IMPG1: variants seen among roughly 807,000 people sequenced by gnomAD.
The protein encoded by IMPG1 is interphotoreceptor matrix proteoglycan 1, also known as interphotoreceptor matrix proteoglycan of 150 kDa.
Under a neutral mutation model 92.0 loss-of-function variants are expected in IMPG1, and 85 were observed. The observed-to-expected ratio is 0.92, with a 90% CI of 0.78 to 1.11. The LOEUF (loss-of-function observed/expected upper bound fraction) is 1.11, where lower values mean the gene tolerates loss of function less well. IMPG1 is among the 50% of genes least tolerant of loss of function. The pLI is 0.00. For synonymous variants in IMPG1, 367 were observed against 334.1 expected, an observed-to-expected ratio of 1.10 and a Z score of -1.08; for missense variants, 1,022 against 956.0, an observed-to-expected ratio of 1.07 and a Z score of -0.91.
At chr6:76,058,344 C>A (rs1784153734) in intron 1 of IMPG1, among the ~76,000 whole-genome samples, 1 of 152,154 alleles carries the variant, frequency 6.6e-6, no homozygotes, top group South Asian at 2.1e-4. Context: ...TCTATTTTCT[C>A]AGTAAGTAGA....
chr6:75,988,054 C>T lies in IMPG1; in HGVS notation c.1291+14864G>A, dbSNP rs529595581. Among the ~76,000 whole-genome samples the T allele has an allele frequency of 1.2e-4, 18 of 152,294 alleles. No individual in the cohort carries two copies. The South Asian group carries it at 2.7e-3, about 23-fold the overall frequency. Reference sequence around the variant, plus strand: ...CATTTGGATTGGTTGCAAGTCTTTGCTATTGTGAATAGTGCCACGATAAAC... The same window carrying T: ...CATTTGGATTGGTTGCAAGTCTTTGTTATTGTGAATAGTGCCACGATAAAC... On this transcript the variant is annotated intron_variant, in intron 12 of 16. Transcript: ENST00000369950.
intron 4 of IMPG1, among the ~76,000 whole-genome samples, chr6:76,030,381 G>T (rs1473169828): frequency 2.0e-5 from 3 of 152,110 alleles, no homozygotes; most frequent in African/African-American, 2.4e-5. Flanking sequence ...AGAGATGCTT[G>T]CTCCCCTCTT....
intron 1 of IMPG1, among the ~76,000 whole-genome samples, chr6:76,057,743 A>G (rs1405145158): frequency 6.6e-6 from 1 of 152,128 alleles, no homozygotes; most frequent in Admixed American, 6.6e-5. Context: ...TGCTAATGTT[A>G]TGTTAATGAC....
intron 5 of IMPG1, among the ~76,000 whole-genome samples, chr6:76,024,423 T>C (rs969355541): frequency 6.6e-5 from 10 of 152,112 alleles, no homozygotes; most frequent in African/African-American, 2.2e-4. Flanking sequence ...AAGACTGCAA[T>C]AGAAATATAC....
intron 12 of IMPG1, among the ~76,000 whole-genome samples, chr6:75,991,318 G>A (rs1402977990): frequency 6.6e-6 from 1 of 152,008 alleles, no homozygotes; most frequent in East Asian, 1.9e-4. Flanking sequence ...TTGAACCCGG[G>A]AGGCGGAGGT....
In IMPG1 at chr6:76,044,002, A is replaced by G. The variant is rs571194380; in HGVS notation, c.68-1876T>C. 1.2e-4 allele frequency among the ~76,000 whole-genome samples: 19 copies of G among 152,382 alleles called. No individual in the cohort carries two copies. The East Asian group carries it at 3.7e-3, about 29-fold the overall frequency. ...CAAGACCAGTTGCAAGGCATATGCC[A>G]GTGCTATCGGCTTGATCTGAATAAT... On this transcript the variant is annotated intron_variant, in intron 1 of 16. Coordinates refer to ENST00000369950, the MANE Select transcript of IMPG1 (RefSeq NM_001563.4).
At chr6:75,944,686 C>G (rs146466337) in intron 14 of IMPG1, among the ~76,000 whole-genome samples, 1 of 152,164 alleles carries the variant, frequency 6.6e-6, no homozygotes, top group Admixed American at 6.5e-5. Context: ...ATAAGTTCAC[C>G]GAAGTGCTTA....
chr6:76,010,860 G>A (rs944551359), intron 8 of IMPG1, among the ~76,000 whole-genome samples: 4 of 152,168 alleles, frequency 2.6e-5, no homozygotes, highest in East Asian at 1.9e-4. Context: ...CTCTACTGAG[G>A]TATTTTCCTA....
rs1341134243 is a variant in IMPG1 at position 76,053,471 on chromosome 6, T to C, written c.68-11345A>G. Among the ~76,000 whole-genome samples, 3 of 152,080 alleles carry C rather than the reference T, an allele frequency of 2.0e-5. No individual in the cohort carries two copies. The East Asian group carries it at 5.8e-4, about 29-fold the overall frequency. On this transcript the variant is annotated intron_variant, in intron 1 of 16. Transcript: ENST00000369950. ...AGCTTATAAAACAAATTCCAAAAAA[T>C]TCAGGAGGAAGCTAACTTCAGAAGC...
chr6:75,984,013 C>T (rs554906126), intron 12 of IMPG1, among the ~76,000 whole-genome samples: 10 of 152,104 alleles, frequency 6.6e-5, no homozygotes, highest in Non-Finnish European at 1.0e-4. Flanking sequence ...AAAACCACAA[C>T]GAGATATTAC....
intron 7 of IMPG1, among the ~76,000 whole-genome samples, chr6:76,017,676 T>C (rs1326916578): frequency 6.6e-6 from 1 of 152,212 alleles, no homozygotes; most frequent in Non-Finnish European, 1.5e-5. Flanking sequence ...CATCTAGGCA[T>C]AGAGCAGCTG....
At chr6:75,924,664 A>G (rs1271609417) in intron 15 of IMPG1, among the ~76,000 whole-genome samples, 36 of 2,682 alleles carry the variant, frequency 0.013, 4 homozygotes, top group African/African-American at 0.032. Context: ...TATAATATAT[A>G]ATAAATTATA....
In IMPG1 at chr6:75,921,447, T is replaced by C. The variant is rs1271380995; in HGVS notation, c.*642A>G. ...AGAAAAGTAAGATTTTTCCATGGTATGTGTATCTGAACCTCAGTTTCTTTT... is the reference window on the plus strand; with the variant it reads ...AGAAAAGTAAGATTTTTCCATGGTACGTGTATCTGAACCTCAGTTTCTTTT... On this transcript the variant is annotated 3_prime_UTR_variant, in exon 17 of 17. Transcript: ENST00000369950. 4 of 152,528 alleles carry C rather than the reference T, an allele frequency of 2.6e-5. No homozygotes were observed. Among genetic ancestry groups the C allele is most frequent in the African/African-American group, 9.6e-5 (4 of 41,462 alleles). The allele number at this position is 152,528 out of a possible 1,614,324, so 9.4% of individuals were successfully genotyped here.
chr6:76,036,595 T>C (rs992541590), intron 2 of IMPG1, among the ~76,000 whole-genome samples: 37 of 152,182 alleles, frequency 2.4e-4, no homozygotes, highest in Non-Finnish European at 5.9e-5. Context: ...CATATTTTTG[T>C]TACAAAAAAG....
rs1454254738 is a variant in IMPG1, at chr6:75,978,881, A to G, written c.1291+24037T>C. Among the ~76,000 whole-genome samples, 5 of 152,214 alleles carry G rather than the reference A, an allele frequency of 3.3e-5. No homozygotes were observed. The East Asian group carries it at 9.6e-4, about 29-fold the overall frequency. ...AGGTATTATTATCCCCGGTCTGCAG[A>G]TAGACAAACTGTGGCATAGAAAGAT... On this transcript the variant is annotated intron_variant, in intron 12 of 16. Transcript: ENST00000369950.
intron 1 of IMPG1, among the ~76,000 whole-genome samples, chr6:76,071,997 T>C (rs1582144789): frequency 6.6e-6 from 1 of 152,252 alleles, no homozygotes. Flanking sequence ...CATGATTTCA[T>C]TGTGAGAAGG....
rs77130397 is a variant in IMPG1 at position 76,038,309 on chromosome 6, A to T, written c.302-3522T>A. Among the ~76,000 whole-genome samples the T allele has an allele frequency of 3.3e-3, 501 of 152,354 alleles. 2 individuals are homozygous for T. Among genetic ancestry groups the T allele is most frequent in the African/African-American group, 0.011 (469 of 41,584 alleles). ...GAAAGAATCTTCTTTCTAGAGCATA[A>T]TGTCTGAAGTTGCTTGAAAAATTAT... On this transcript the variant is annotated intron_variant, in intron 2 of 16. Coordinates refer to ENST00000369950, the MANE Select transcript of IMPG1 (RefSeq NM_001563.4).
At chr6:75,998,957 A>T (rs2149475615) in intron 12 of IMPG1, among the ~76,000 whole-genome samples, 1 of 152,270 alleles carries the variant, frequency 6.6e-6, no homozygotes, top group South Asian at 2.1e-4. Context: ...CCCAGGTTCA[A>T]GCAATTCTCT....
chr6:76,027,893 C>T (rs1440500746), intron 4 of IMPG1, among the ~76,000 whole-genome samples: 1 of 152,174 alleles, frequency 6.6e-6, no homozygotes, highest in Non-Finnish European at 1.5e-5. Context: ...ATTTAAAAGG[C>T]TTCTCAAAAT....
Sources: gnomAD v4.1 joint callset for allele counts (sites outside exome capture counted in the v4.1 genomes callset) on GRCh38, gnomAD v4.1.1 for gene constraint, MANE v1.5 for transcripts, NCBI Gene and HGNC (gene_info 2026-07-23, HGNC 2026-07-21) for gene names.